Variants in DRC11 observed in about 807,000 individuals in gnomAD.
DRC11 encodes the protein IQ and AAA domain-containing protein 1.
the DRC11 span, among the ~76,000 whole-genome samples, chr2:236,326,575 C>A: frequency 6.6e-6 from 1 of 151,972 alleles, no homozygotes; most frequent in South Asian, 2.1e-4. Context: ...CAATTCAGAC[C>A]TTAGCTTCTG....
the DRC11 span, among the ~76,000 whole-genome samples, chr2:236,402,349 T>C: frequency 6.6e-6 from 1 of 152,236 alleles, no homozygotes; most frequent in Admixed American, 6.5e-5. The surrounding 1 kb of genome is among the most constrained non-coding windows in gnomAD (Gnocchi z 6.0). Context: ...TATTCCCCTG[T>C]GAATCCACCA....
chr2:236,317,904 T>A, the DRC11 span, among the ~76,000 whole-genome samples: 3 of 152,152 alleles, frequency 2.0e-5, no homozygotes, highest in South Asian at 6.2e-4. This position sits in a 1 kb window ranked among gnomAD's most constrained non-coding sequence, Gnocchi z 5.4. Context: ...CTTTTATTGA[T>A]GAAGAAATAA....
At chr2:236,485,362 C>G in the DRC11 span, among the ~76,000 whole-genome samples, 1 of 151,992 alleles carries the variant, frequency 6.6e-6, no homozygotes, top group Middle Eastern at 3.2e-3. Flanking sequence ...CTCACCAGGG[C>G]TCTGTATGTT....
chr2:236,495,450 T>G, the DRC11 span, among the ~76,000 whole-genome samples: 24,805 of 152,222 alleles, frequency 0.16, 4,431 homozygotes, highest in African/African-American at 0.42. This position sits in a 1 kb window ranked among gnomAD's most constrained non-coding sequence, Gnocchi z 5.6. Context: ...ATGATGCGTT[T>G]CATGTCCATC....
the DRC11 span, among the ~76,000 whole-genome samples, chr2:236,366,580 GTT>G: frequency 6.6e-6 from 1 of 151,506 alleles, no homozygotes; most frequent in Non-Finnish European, 1.5e-5. Context: ...TGGACAGTAG[GTT>G]CCTCAGTGAG....
the DRC11 span, among the ~76,000 whole-genome samples, chr2:236,321,070 A>G: frequency 1.3e-5 from 2 of 152,218 alleles, no homozygotes; most frequent in Non-Finnish European, 2.9e-5. Flanking sequence ...TTTAGAGGAC[A>G]GTCTGTCAAT....
the DRC11 span, among the ~76,000 whole-genome samples, chr2:236,420,808 T>A: frequency 3.3e-5 from 5 of 152,034 alleles, no homozygotes; most frequent in African/African-American, 9.7e-5. This position sits in a 1 kb window ranked among gnomAD's most constrained non-coding sequence, Gnocchi z 4.8. Flanking sequence ...AGATCCTGCC[T>A]CAAAAAAACA....
At chr2:236,341,067 G>T in the DRC11 span, among the ~76,000 whole-genome samples, 9 of 152,164 alleles carry the variant, frequency 5.9e-5, no homozygotes, top group African/African-American at 2.2e-4. Context: ...CCTCACAACT[G>T]TATTACTTTG....
At chr2:236,418,656 G>A in the DRC11 span, among the ~76,000 whole-genome samples, 1 of 152,206 alleles carries the variant, frequency 6.6e-6, no homozygotes, top group African/African-American at 2.4e-5. Context: ...CGGGCCCAAT[G>A]TGACACTGTG....
chr2:236,441,217 T>C, the DRC11 span: 1 of 884,132 alleles, frequency 1.1e-6, no homozygotes, highest in Non-Finnish European at 1.8e-6. Context: ...AAATGAGTGA[T>C]GGTCATTAAG....
the DRC11 span, among the ~76,000 whole-genome samples, chr2:236,370,400 G>A: frequency 2.6e-5 from 4 of 152,322 alleles, no homozygotes; most frequent in Admixed American, 6.5e-5. The surrounding 1 kb of genome is among the most constrained non-coding windows in gnomAD (Gnocchi z 5.5). Context: ...CTGGCATCTT[G>A]GAGGGAGGCA....
chr2:236,357,374 TTATA>T, the DRC11 span, among the ~76,000 whole-genome samples: 4 of 108,358 alleles, frequency 3.7e-5, no homozygotes, highest in African/African-American at 1.8e-4. Context: ...ATAAATATAT[TTATA>T]TAGTATAGAT....
chr2:236,319,762 G>GTT, the DRC11 span, among the ~76,000 whole-genome samples: 1 of 152,292 alleles, frequency 6.6e-6, no homozygotes, highest in Non-Finnish European at 1.5e-5. The surrounding 1 kb of genome is among the most constrained non-coding windows in gnomAD (Gnocchi z 6.7). Context: ...AGGTGCAGCT[G>GTT]TTAAGAAAAG....
the DRC11 span, among the ~76,000 whole-genome samples, chr2:236,327,447 G>A: frequency 9.9e-5 from 15 of 152,096 alleles, no homozygotes; most frequent in South Asian, 8.3e-4. Flanking sequence ...GTTTTGCCAC[G>A]TTGGTCAGGC....
At chr2:236,368,522 A>T in the DRC11 span, 2 of 505,712 alleles carry the variant, frequency 4.0e-6, no homozygotes, top group South Asian at 5.0e-5. Flanking sequence ...GCTAGAGTAA[A>T]CTGGGAATGA....
the DRC11 span, among the ~76,000 whole-genome samples, chr2:236,326,593 A>G: frequency 6.6e-6 from 1 of 151,744 alleles, no homozygotes; most frequent in Middle Eastern, 3.4e-3. Context: ...CTGACTCTCT[A>G]AGCTTTCTTT....
chr2:236,428,968 C>T, the DRC11 span, among the ~76,000 whole-genome samples: 22 of 152,096 alleles, frequency 1.4e-4, no homozygotes, highest in Non-Finnish European at 1.9e-4. Context: ...TATTGTGTTC[C>T]GTTGGTGGTA....
chr2:236,351,318 C>A, the DRC11 span, among the ~76,000 whole-genome samples: 1 of 147,736 alleles, frequency 6.8e-6, no homozygotes, highest in East Asian at 2.2e-4. This position sits in a 1 kb window ranked among gnomAD's most constrained non-coding sequence, Gnocchi z 7.3. Flanking sequence ...GAGAAGTGGG[C>A]GGGTGGGGGG....
chr2:236,486,839 A>C, the DRC11 span: 1 of 1,609,628 alleles, frequency 6.2e-7, no homozygotes, highest in Non-Finnish European at 8.5e-7. The surrounding 1 kb of genome is among the most constrained non-coding windows in gnomAD (Gnocchi z 5.7). Context: ...CATACCCAGG[A>C]AGATCATCTC....
Sources: allele counts gnomAD v4.1 joint callset (sites outside exome capture counted in the v4.1 genomes callset), GRCh38; gene constraint gnomAD v4.1.1; non-coding constraint Gnocchi (gnomAD v3.1); transcripts MANE v1.5; gene names NCBI Gene and HGNC (gene_info 2026-07-23, HGNC 2026-07-21).